MTARC1: variants seen among roughly 807,000 people sequenced by gnomAD.
MTARC1 encodes mitochondrial amidoxime-reducing component 1.
In MTARC1, 24 loss-of-function variants were observed where a neutral mutation model predicts 33.6. That is an observed-to-expected ratio of 0.72 (90% CI 0.52 to 1.01). The LOEUF is 1.01. MTARC1 is among the 50% of genes least tolerant of loss of function. The probability of loss-of-function intolerance (pLI) is 0.00; values close to 1 mark genes in which losing one functional copy is unlikely to be tolerated. For missense variants in MTARC1, 417 were observed against 445.7 expected (o/e 0.94, Z 0.58); for synonymous variants, 187 against 189.5 (o/e 0.99, Z 0.11).
At chr1:220,788,042 G>A (rs966481207) in intron 1 of MTARC1, among the ~76,000 whole-genome samples, 1 of 151,980 alleles carries the variant, frequency 6.6e-6, no homozygotes, top group African/African-American at 2.4e-5. Flanking sequence ...AGTTGTGGGG[G>A]CATTGCAGAT....
chr1:220,791,791 T>C (rs758155108), intron 2 of MTARC1, 127 bp downstream of exon 2: 19 of 1,025,206 alleles, frequency 1.9e-5, no homozygotes, highest in Non-Finnish European at 2.6e-5. Context: ...GTGTACCATA[T>C]ACAGAATGAA....
Position 220,805,312 on chromosome 1 carries a change from G to C in MTARC1, c.887+38G>C, listed in dbSNP as rs1200475912. The C allele has an allele frequency of 2.5e-6, 4 of 1,609,442 alleles. No homozygotes were observed. In the African/African-American group the frequency reaches 5.3e-5, roughly 22 times the overall value. ...AGACGGGGCTCATCCTCGGGTTTAG[G>C]TGCCGGGAACGGAAGCAATATTTGT... On this transcript the variant is annotated intron_variant, in intron 6 of 6. Coordinates refer to ENST00000366910, the MANE Select transcript of MTARC1 (RefSeq NM_022746.4).
At chr1:220,800,195 T>TAAAA (rs10627817) in intron 4 of MTARC1, among the ~76,000 whole-genome samples, 43,605 of 151,876 alleles carry the variant, frequency 0.29, 6,353 homozygotes, top group African/African-American at 0.34. Flanking sequence ...TAAAAACCCG[T>TAAAA]ATCTCTCTCT....
At chr1:220,802,835 C>T (rs1337992283) in intron 4 of MTARC1, among the ~76,000 whole-genome samples, 1 of 152,184 alleles carries the variant, frequency 6.6e-6, no homozygotes, top group Non-Finnish European at 1.5e-5. Flanking sequence ...ACTGAGTGCT[C>T]CCTCCTGAAT....
chr1:220,817,986 T>C lies in MTARC1; in HGVS notation c.*4568T>C, dbSNP rs1049760952. On this transcript the variant is annotated 3_prime_UTR_variant, in exon 7 of 7. Coordinates refer to ENST00000366910, the MANE Select transcript of MTARC1 (RefSeq NM_022746.4). ...CTATGGCCCTGACTCTATCTATGTC[T>C]GCACAAAGCACTACTGTGCTTTGCT... 1.1e-4 allele frequency: 16 copies of C among 152,236 alleles called. No individual in the cohort carries two copies. Among genetic ancestry groups the C allele is most frequent in the African/African-American group, 3.9e-4 (16 of 41,452 alleles). 9.4% of individuals were successfully genotyped at this position (152,236 alleles called of 1,614,324 possible). A position where few individuals can be genotyped will look rare whatever the true frequency, so the allele number is the denominator to read the frequency against.
At position 220,813,659 on chromosome 1, in the gene MTARC1, G is replaced by A; in HGVS notation, c.*241G>A. 1 of 456,610 alleles carries A rather than the reference G, an allele frequency of 2.2e-6. No individual in the cohort carries two copies. The highest frequency in any genetic ancestry group is 3.9e-6 in the Non-Finnish European group (1 of 254,196). The allele number at this position is 456,610 out of a possible 1,614,324, so 28.3% of individuals were successfully genotyped here. On this transcript the variant is annotated 3_prime_UTR_variant, in exon 7 of 7. Coordinates refer to ENST00000366910, the MANE Select transcript of MTARC1 (RefSeq NM_022746.4). ...AGTAAGTCACTTAAATGACAAGACA[G>A]GATTCTGAAAACTCCCCGTTTAACT...
At chr1:220,797,715 T>C in intron 3 of MTARC1, 159 bp from the exon 4 acceptor site, 1 of 675,912 alleles carries the variant, frequency 1.5e-6, no homozygotes, top group Non-Finnish European at 2.5e-6. Context: ...TGAAAACTTC[T>C]GAGTCACTGT....
In MTARC1 at chr1:220,818,410, C is replaced by T. The variant is rs751235164; in HGVS notation, c.*4992C>T. On this transcript the variant is annotated 3_prime_UTR_variant, in exon 7 of 7. Transcript: ENST00000366910. ...ACTGAGAAGTGACTTCCCATTCAGC[C>T]TCTTCCAAGGCCATTTTTGATAGGC... 4.6e-5 allele frequency: 7 copies of T among 152,374 alleles called. No homozygotes were observed. Among genetic ancestry groups the T allele is most frequent in the East Asian group, 1.9e-4 (1 of 5,186 alleles). 9.4% of individuals were successfully genotyped at this position (152,374 alleles called of 1,614,324 possible).
chr1:220,800,637 G>C (rs1672764703), intron 4 of MTARC1, among the ~76,000 whole-genome samples: 1 of 151,578 alleles, frequency 6.6e-6, no homozygotes, highest in Non-Finnish European at 1.5e-5. Flanking sequence ...TCTGCCCTGA[G>C]GACCCCTAAC....
chr1:220,811,902 G>T (rs1262466651), intron 6 of MTARC1, among the ~76,000 whole-genome samples: 1 of 152,220 alleles, frequency 6.6e-6, no homozygotes, highest in African/African-American at 2.4e-5. Flanking sequence ...GGCATTGGGC[G>T]TGAGCAGTAC....
Position 220,813,559 on chromosome 1 carries a change from T to C in MTARC1, c.*141T>C. On this transcript the variant is annotated 3_prime_UTR_variant, in exon 7 of 7. Transcript: ENST00000366910. ...TTTTCACATTTTTCGTCTTTTGGAC[T>C]TCTGGTGTCTCAATGCTTCAATGTC... 1 of 1,134,638 alleles carries C rather than the reference T, an allele frequency of 8.8e-7. No individual in the cohort carries two copies. The highest frequency in any genetic ancestry group is 1.2e-6 in the Non-Finnish European group (1 of 809,154). The allele number at this position is 1,134,638 out of a possible 1,614,324, so 70.3% of individuals were successfully genotyped here.
Position 220,818,241 on chromosome 1 carries a change from G to A in MTARC1, c.*4823G>A, listed in dbSNP as rs1018565322. On this transcript the variant is annotated 3_prime_UTR_variant, in exon 7 of 7. Coordinates refer to ENST00000366910, the MANE Select transcript of MTARC1 (RefSeq NM_022746.4). ...GGGCCACAGCTCTGACTATAACTCTGCTCTTCCTCCAAACACAGCTGAGGA... is the reference window on the plus strand; with the variant it reads ...GGGCCACAGCTCTGACTATAACTCTACTCTTCCTCCAAACACAGCTGAGGA... 1 of 152,382 alleles carries A rather than the reference G, an allele frequency of 6.6e-6. No individual in the cohort carries two copies. Among genetic ancestry groups the A allele is most frequent in the Admixed American group, 6.5e-5 (1 of 15,308 alleles). The allele number at this position is 152,382 out of a possible 1,614,324, so 9.4% of individuals were successfully genotyped here.
rs1479606416 is a variant in MTARC1 at position 220,813,656 on chromosome 1, A to G, written c.*238A>G. ...TTCAGTAAGTCACTTAAATGACAAG[A>G]CAGGATTCTGAAAACTCCCCGTTTA... On this transcript the variant is annotated 3_prime_UTR_variant, in exon 7 of 7. Transcript: ENST00000366910. The G allele has an allele frequency of 2.2e-6, 1 of 464,132 alleles. No individual in the cohort carries two copies. Among genetic ancestry groups the G allele is most frequent in the East Asian group, 3.9e-5 (1 of 25,924 alleles). The allele number at this position is 464,132 out of a possible 1,614,324, so 28.8% of individuals were successfully genotyped here. A position where few individuals can be genotyped will look rare whatever the true frequency, so the allele number is the denominator to read the frequency against.
chr1:220,801,347 C>G (rs528103750), intron 4 of MTARC1, among the ~76,000 whole-genome samples: 25 of 113,000 alleles, frequency 2.2e-4, no homozygotes, highest in African/African-American at 5.2e-4. Flanking sequence ...CTCACCCAGC[C>G]CCCCCCACAG....
intron 6 of MTARC1, among the ~76,000 whole-genome samples, chr1:220,811,484 T>G (rs1339848093): frequency 6.6e-6 from 1 of 152,208 alleles, no homozygotes; most frequent in Non-Finnish European, 1.5e-5. Flanking sequence ...GAGCTGCAGG[T>G]CTCCAGAAGG....
At chr1:220,797,814 C>T (rs1571669604) in intron 3 of MTARC1, 60 bp from the exon 4 acceptor site, 1 of 1,549,216 alleles carries the variant, frequency 6.5e-7, no homozygotes, top group African/African-American at 1.4e-5. Flanking sequence ...GAACTAGGCA[C>T]ACCTAACCAC....
intron 1 of MTARC1, among the ~76,000 whole-genome samples, chr1:220,790,514 T>C (rs1217076529): frequency 6.6e-6 from 1 of 152,216 alleles, no homozygotes; most frequent in African/African-American, 2.4e-5. Context: ...CCTCTGTCTG[T>C]GCAGAAACAA....
Position 220,787,040 on chromosome 1 carries a change from G to T in MTARC1, c.96G>T (p.Ala32=). The change falls in exon 1 of 7, where the codon GCG becomes GCT. Residue 32 remains alanine, a synonymous_variant. Transcript: ENST00000366910. ...GGGTTGCCGCGCTGGGCCTGACCGC[G>T]GTGGCGCTGGGGGCTGTCGCCTGGC... ...WLGVAALGLT[A]VALGAVAWRR... 2.2e-6 allele frequency: 3 copies of T among 1,379,158 alleles called. No individual in the cohort carries two copies. Among genetic ancestry groups the T allele is most frequent in the South Asian group, 1.7e-5 (1 of 57,992 alleles). 85.4% of individuals were successfully genotyped at this position (1,379,158 alleles called of 1,614,324 possible).
At chr1:220,800,821 G>C (rs1672772346) in intron 4 of MTARC1, among the ~76,000 whole-genome samples, 1 of 151,990 alleles carries the variant, frequency 6.6e-6, no homozygotes, top group Non-Finnish European at 1.5e-5. Context: ...GCCCCAAACT[G>C]CGAACCACCC....
Sources: gnomAD v4.1 joint callset for allele counts (sites outside exome capture counted in the v4.1 genomes callset) on GRCh38, gnomAD v4.1.1 for gene constraint, MANE v1.5 for transcripts, NCBI Gene and HGNC (gene_info 2026-07-23, HGNC 2026-07-21) for gene names.